REDIC1: variants seen among roughly 807,000 people sequenced by gnomAD.
The protein encoded by REDIC1 is regulator of DNA class I crossover intermediates 1.
chr12:39,873,739 T>C, the REDIC1 span, among the ~76,000 whole-genome samples: 1 of 152,162 alleles, frequency 6.6e-6, no homozygotes, highest in African/African-American at 2.4e-5. Flanking sequence ...AGGAGAGTAG[T>C]ATAAAACAGA....
At chr12:39,764,438 G>C in the REDIC1 span, 1 of 1,531,902 alleles carries the variant, frequency 6.5e-7, no homozygotes, top group Non-Finnish European at 8.7e-7. Flanking sequence ...ACAAAACTAT[G>C]TTAGAAAAAA....
At chr12:39,720,841 A>T in the REDIC1 span, 1 of 1,612,954 alleles carries the variant, frequency 6.2e-7, no homozygotes. Flanking sequence ...AAATAGGATG[A>T]CCATCAAAAC....
chr12:39,670,917 T>G, the REDIC1 span, among the ~76,000 whole-genome samples: 9 of 152,244 alleles, frequency 5.9e-5, no homozygotes, highest in Admixed American at 5.9e-4. Flanking sequence ...TTTGTGAATT[T>G]CTCATTTATA....
the REDIC1 span, among the ~76,000 whole-genome samples, chr12:39,649,132 A>G: frequency 2.6e-5 from 4 of 151,912 alleles, no homozygotes; most frequent in Non-Finnish European, 5.9e-5. Context: ...TACATATTAT[A>G]GACTGCAGGT....
chr12:39,843,035 C>G, the REDIC1 span, among the ~76,000 whole-genome samples: 4 of 151,794 alleles, frequency 2.6e-5, no homozygotes, highest in Non-Finnish European at 4.4e-5. Flanking sequence ...TGGGTTATTT[C>G]TACGTTTTTT....
At chr12:39,748,235 C>A in the REDIC1 span, among the ~76,000 whole-genome samples, 312 of 152,086 alleles carry the variant, frequency 2.1e-3, 2 homozygotes, top group African/African-American at 6.8e-3. Flanking sequence ...GAAGATCTAC[C>A]AAGCAAATGG....
At chr12:39,670,950 C>G in the REDIC1 span, among the ~76,000 whole-genome samples, 1 of 151,734 alleles carries the variant, frequency 6.6e-6, no homozygotes, top group South Asian at 2.1e-4. Context: ...TTGCTGATTT[C>G]TTTGTATTTT....
At chr12:39,878,863 G>A in the REDIC1 span, among the ~76,000 whole-genome samples, 1 of 152,224 alleles carries the variant, frequency 6.6e-6, no homozygotes, top group Non-Finnish European at 1.5e-5. Context: ...AGTCTTGAAG[G>A]AATTTCAGAG....
the REDIC1 span, among the ~76,000 whole-genome samples, chr12:39,799,884 G>A: frequency 6.6e-6 from 1 of 152,208 alleles, no homozygotes; most frequent in Non-Finnish European, 1.5e-5. Context: ...TTGGTGCAGA[G>A]AGAATCAAAT....
the REDIC1 span, among the ~76,000 whole-genome samples, chr12:39,690,168 T>G: frequency 6.6e-6 from 1 of 151,968 alleles, no homozygotes; most frequent in Non-Finnish European, 1.5e-5. Flanking sequence ...TAGGTAAAAT[T>G]AAAACAGGTA....
the REDIC1 span, among the ~76,000 whole-genome samples, chr12:39,631,333 A>C: frequency 1.3e-5 from 2 of 152,228 alleles, no homozygotes; most frequent in South Asian, 4.1e-4. Flanking sequence ...TAATTATTGA[A>C]TATAAGGCTT....
chr12:39,653,798 A>G, the REDIC1 span, among the ~76,000 whole-genome samples: 3 of 152,042 alleles, frequency 2.0e-5, no homozygotes, highest in Admixed American at 6.6e-5. Flanking sequence ...GATGTTAGCT[A>G]TAGGTGTTTT....
chr12:39,787,442 GT>G, the REDIC1 span, among the ~76,000 whole-genome samples: 1 of 152,152 alleles, frequency 6.6e-6, no homozygotes, highest in African/African-American at 2.4e-5. Context: ...GATATGATGT[GT>G]TCTCTAAAGC....
At chr12:39,712,497 G>A in the REDIC1 span, among the ~76,000 whole-genome samples, 379 of 138,566 alleles carry the variant, frequency 2.7e-3, 16 homozygotes, top group East Asian at 0.074. Context: ...TATATACGAC[G>A]TATATACGTA....
At chr12:39,723,381 C>T in the REDIC1 span, among the ~76,000 whole-genome samples, 14 of 152,044 alleles carry the variant, frequency 9.2e-5, no homozygotes, top group African/African-American at 3.4e-4. Context: ...CCTAACTTCA[C>T]AGTTGCTAAT....
At chr12:39,786,192 A>G in the REDIC1 span, among the ~76,000 whole-genome samples, 1 of 152,108 alleles carries the variant, frequency 6.6e-6, no homozygotes. Flanking sequence ...CAGAATTCCC[A>G]TGTATTGTGG....
chr12:39,782,315 C>A, the REDIC1 span, among the ~76,000 whole-genome samples: 1 of 152,102 alleles, frequency 6.6e-6, no homozygotes, highest in Middle Eastern at 3.4e-3. Context: ...GTGGAAGGTA[C>A]CCAGGGGGAG....
At chr12:39,770,958 G>C in the REDIC1 span, among the ~76,000 whole-genome samples, 3 of 152,284 alleles carry the variant, frequency 2.0e-5, no homozygotes, top group African/African-American at 7.2e-5. Context: ...TCTCAAAGCT[G>C]TGTCATCATC....
the REDIC1 span, among the ~76,000 whole-genome samples, chr12:39,740,833 A>G: frequency 1.3e-5 from 2 of 152,206 alleles, no homozygotes; most frequent in Non-Finnish European, 2.9e-5. Context: ...CAGCTGTTTC[A>G]TGATTATTTT....
Sources: gnomAD v4.1 joint callset for allele counts (sites outside exome capture counted in the v4.1 genomes callset) on GRCh38, gnomAD v4.1.1 for gene constraint, MANE v1.5 for transcripts, NCBI Gene and HGNC (gene_info 2026-07-23, HGNC 2026-07-21) for gene names.